DYSF: variants seen among roughly 807,000 people sequenced by gnomAD.
DYSF encodes dysferlin.
A neutral mutation model predicts 274.9 loss-of-function variants in DYSF; 212 were observed. The observed-to-expected ratio is 0.77, with a 90% CI of 0.69 to 0.86. DYSF has a LOEUF of 0.86. Among genes scored for constraint, DYSF ranks in the 40% least tolerant of loss-of-function variants. DYSF has a pLI of 0.00. For synonymous variants in DYSF, 1,091 were observed against 1,078.7 expected (o/e 1.01, Z -0.22); for missense variants, 2,666 against 2,783.2 (o/e 0.96, Z 0.95).
At chr2:71,562,026 C>G (rs1046875588) in intron 23 of DYSF, 82 bp downstream of exon 23, 79 of 1,538,508 alleles carry the variant, frequency 5.1e-5, no homozygotes, top group South Asian at 9.5e-5. Context: ...AGGCGAATGT[C>G]TGGATTATTA....
upstream of DYSF, among the ~76,000 whole-genome samples, chr2:71,465,343 G>C (rs956720511): frequency 2.0e-5 from 3 of 152,290 alleles, no homozygotes; most frequent in East Asian, 5.8e-4. Context: ...GAGGGCGGGC[G>C]TTAGAAGGAG....
intron 32 of DYSF, among the ~76,000 whole-genome samples, chr2:71,590,804 G>A (rs535129407): frequency 6.6e-6 from 1 of 152,256 alleles, no homozygotes; most frequent in African/African-American, 2.4e-5. Flanking sequence ...CTGTTACCCA[G>A]GCTGGAAATT....
At chr2:71,613,251 C>T in intron 39 of DYSF, 83 bp from the exon 40 acceptor site, 1 of 1,258,086 alleles carries the variant, frequency 7.9e-7, no homozygotes, top group African/African-American at 1.5e-5. Context: ...TTGTCTTGGT[C>T]CCTTGGTTGA....
At chr2:71,558,358 G>A (rs1441399917) in intron 22 of DYSF, among the ~76,000 whole-genome samples, 1 of 152,162 alleles carries the variant, frequency 6.6e-6, no homozygotes, top group Non-Finnish European at 1.5e-5. Flanking sequence ...TGGTCTGGAG[G>A]TGGGAGGACA....
chr2:71,657,398 C>T (rs992924887), intron 43 of DYSF, among the ~76,000 whole-genome samples: 6 of 152,124 alleles, frequency 3.9e-5, no homozygotes, highest in Admixed American at 6.6e-5. Context: ...TCCAGGTTCA[C>T]GGTACAAGCT....
chr2:71,470,752 C>A (rs1387714349), intron 1 of DYSF, among the ~76,000 whole-genome samples: 1 of 145,004 alleles, frequency 6.9e-6, no homozygotes, highest in Non-Finnish European at 1.5e-5. Context: ...TTCCTTCCTT[C>A]CTTCCTTCCT....
chr2:71,664,811 C>G (rs2094965185), intron 46 of DYSF, among the ~76,000 whole-genome samples: 1 of 152,228 alleles, frequency 6.6e-6, no homozygotes, highest in Non-Finnish European at 1.5e-5. Context: ...TGTGCTGCAA[C>G]TGGGCCCGAA....
At position 71,601,481 on chromosome 2, in the gene DYSF, C is replaced by G; in HGVS notation, c.3898-18C>G. 1 of 1,614,166 alleles carries G rather than the reference C, an allele frequency of 6.2e-7. No homozygotes were observed. The highest frequency in any genetic ancestry group is 8.5e-7 in the Non-Finnish European group (1 of 1,180,026). ...AGGTGACAAGCACATGACCAGAGCTCTCTTTTCTTCACTCCAGCCGGCCAT... is the reference window on the plus strand; with the variant it reads ...AGGTGACAAGCACATGACCAGAGCTGTCTTTTCTTCACTCCAGCCGGCCAT... On this transcript the variant is annotated intron_variant, in intron 34 of 55. Transcript: ENST00000410020.
chr2:71,618,587 G>GTT (rs1194413884), intron 40 of DYSF, among the ~76,000 whole-genome samples: 956 of 132,396 alleles, frequency 7.2e-3, no homozygotes, highest in Admixed American at 9.5e-3. Flanking sequence ...GTAGAGTTGT[G>GTT]TGTGTGTGGT....
intron 3 of DYSF, among the ~76,000 whole-genome samples, chr2:71,498,382 C>T (rs895983991): frequency 6.6e-6 from 1 of 152,170 alleles, no homozygotes; most frequent in East Asian, 1.9e-4. Context: ...GATGGAATCA[C>T]AGGAAGTTGA....
intron 12 of DYSF, 94 bp downstream of exon 12, chr2:71,520,998 C>G: frequency 1.0e-6 from 1 of 959,062 alleles, no homozygotes; most frequent in African/African-American, 1.6e-5. Flanking sequence ...ATTTTTTTTT[C>G]TGATTTAAAC....
chr2:71,611,621 G>A lies in DYSF; in HGVS notation c.4216G>A (p.Glu1406Lys), dbSNP rs866823474. The A allele has an allele frequency of 1.2e-6, 2 of 1,613,456 alleles. No homozygotes were observed. The highest frequency in any genetic ancestry group is 2.7e-5 in the African/African-American group (2 of 74,892). The change falls in exon 38 of 56, where the codon GAA becomes AAA. Residue 1406 changes from glutamate (E) to lysine (K), a missense_variant. Physicochemically the swap from Glu to Lys is moderately conservative, Grantham distance 56 (BLOSUM62 1). This residue lies in a region of DYSF where 1,460 missense variants were observed against 1,502.1 expected (regional missense o/e 0.97). Transcript: ENST00000410020. ...PNFDICTLFM[E>K]VMLPREELYC... The stretch of plus-strand genomic sequence containing the variant: ...CTTTGACATCTGCACCCTCTTCATG[G>A]AAGTGGTGAGCCCCACCTCCCTACT...
chr2:71,641,280 G>A (rs930362815), intron 41 of DYSF, among the ~76,000 whole-genome samples: 5 of 146,832 alleles, frequency 3.4e-5, no homozygotes, highest in African/African-American at 5.0e-5. Context: ...CCAGGTTCAC[G>A]CCATTCTCCT....
At chr2:71,552,894 G>C in intron 19 of DYSF, 117 bp from the exon 20 acceptor site, 1 of 1,043,438 alleles carries the variant, frequency 9.6e-7, no homozygotes, top group Non-Finnish European at 1.5e-6. Flanking sequence ...CGTCAGTCCA[G>C]CCAGGAGCTA....
chr2:71,572,608 G>A (rs919609011), intron 29 of DYSF, among the ~76,000 whole-genome samples: 9 of 152,256 alleles, frequency 5.9e-5, no homozygotes, highest in African/African-American at 9.6e-5. Flanking sequence ...CTGAGCTGTG[G>A]CCTGGGGAAG....
chr2:71,465,831 AG>A (rs1215463478), upstream of DYSF, among the ~76,000 whole-genome samples: 2 of 152,158 alleles, frequency 1.3e-5, no homozygotes, highest in African/African-American at 4.8e-5. Flanking sequence ...TACGCTGGAA[AG>A]GAACCAGACA....
chr2:71,569,528 A>G (rs1400646111), intron 26 of DYSF, among the ~76,000 whole-genome samples: 2 of 152,260 alleles, frequency 1.3e-5, no homozygotes, highest in East Asian at 1.9e-4. Flanking sequence ...ATATTTTTAC[A>G]ACTATCCATC....
chr2:71,510,636 C>T (rs533519219), intron 4 of DYSF, among the ~76,000 whole-genome samples: 27 of 152,300 alleles, frequency 1.8e-4, no homozygotes, highest in African/African-American at 6.0e-4. Flanking sequence ...ATGTCGGGAG[C>T]CTTCAGGCCC....
chr2:71,542,377 CTTTT>C (rs35710396), intron 17 of DYSF, among the ~76,000 whole-genome samples: 2 of 142,122 alleles, frequency 1.4e-5, no homozygotes, highest in African/African-American at 2.6e-5. Context: ...GTCAAGCCTT[CTTTT>C]TTTTTTTTTT....
Sources: gnomAD v4.1 joint callset for allele counts (sites outside exome capture counted in the v4.1 genomes callset) on GRCh38, gnomAD v4.1.1 for gene constraint, gnomAD v4.1.1 regional missense constraint, MANE v1.5 for transcripts, NCBI Gene and HGNC (gene_info 2026-07-23, HGNC 2026-07-21) for gene names.